The following UCK2 variants were observed in gnomAD, a reference collection of about 807,000 sequenced individuals.
UCK2 encodes the protein uridine-cytidine kinase 2.
A neutral mutation model predicts 30.8 loss-of-function variants in UCK2; 6 were observed. That is an observed-to-expected ratio of 0.19 (90% CI 0.11 to 0.38). The LOEUF (loss-of-function observed/expected upper bound fraction) is 0.38, where lower values mean the gene tolerates loss of function less well. UCK2 is among the 10% of genes least tolerant of loss of function. UCK2 has a pLI of 1.00. For synonymous variants in UCK2, 125 were observed against 133.6 expected, an observed-to-expected ratio of 0.94 and a Z score of 0.45; for missense variants, 210 against 339.8, an observed-to-expected ratio of 0.62 and a Z score of 3.00.
intron 1 of UCK2, among the ~76,000 whole-genome samples, chr1:165,873,593 T>C (rs1655256701): frequency 6.6e-6 from 1 of 152,204 alleles, no homozygotes; most frequent in South Asian, 2.1e-4. Context: ...TGAAAACCCT[T>C]TCTCCCGTTG....
At position 165,881,197 on chromosome 1, in the gene UCK2, A is replaced by C. The variant is rs887744009; in HGVS notation, c.100-9007A>C. ...CAATAAAACTTAAAAAAAAAAAAAA[A>C]AAAAAAAAAGAGATGATGTAGAAGA... On this transcript the variant is annotated intron_variant, in intron 1 of 6. Coordinates refer to ENST00000367879, the MANE Select transcript of UCK2 (RefSeq NM_012474.5). 1.1e-4 allele frequency among the ~76,000 whole-genome samples: 16 copies of C among 150,976 alleles called. No individual in the cohort carries two copies. The East Asian group carries it at 3.1e-3, about 29-fold the overall frequency.
chr1:165,902,437 GAAAA>G (rs1239186061), intron 4 of UCK2, among the ~76,000 whole-genome samples: 1 of 136,000 alleles, frequency 7.4e-6, no homozygotes, highest in Non-Finnish European at 1.6e-5. Flanking sequence ...ATTTTTTAAA[GAAAA>G]AAAAAAAAGA....
At position 165,859,611 on chromosome 1, in the gene UCK2, C is replaced by T. The variant is rs139885880; in HGVS notation, c.100-30593C>T. On this transcript the variant is annotated intron_variant, in intron 1 of 6. Coordinates refer to ENST00000367879, the MANE Select transcript of UCK2 (RefSeq NM_012474.5). ...CAGGGTGGGTGGATCACTTTGAGCCCGGGAGTTTGAGAACATCCTAGGCAA... is the reference window on the plus strand; with the variant it reads ...CAGGGTGGGTGGATCACTTTGAGCCTGGGAGTTTGAGAACATCCTAGGCAA... Among the ~76,000 whole-genome samples, 471 of 152,032 alleles carry T rather than the reference C, an allele frequency of 3.1e-3. 2 individuals carry two copies. Among genetic ancestry groups the T allele is most frequent in the African/African-American group, 9.4e-3 (388 of 41,428 alleles).
At position 165,846,376 on chromosome 1, in the gene UCK2, G is replaced by A. The variant is rs143263995; in HGVS notation, c.99+18444G>A. Among the ~76,000 whole-genome samples the A allele has an allele frequency of 3.0e-4, 45 of 152,282 alleles. 1 individual carries two copies. The East Asian group carries it at 8.3e-3, about 28-fold the overall frequency. Reference sequence around the variant, plus strand: ...AGGTATTGAATTCCTATGGGTATGGGATTTTGACTGTGGTCTTTTCCTAGT... The same window carrying A: ...AGGTATTGAATTCCTATGGGTATGGAATTTTGACTGTGGTCTTTTCCTAGT... On this transcript the variant is annotated intron_variant, in intron 1 of 6. Transcript: ENST00000367879.
intron 1 of UCK2, among the ~76,000 whole-genome samples, chr1:165,868,751 G>A (rs926693935): frequency 1.3e-5 from 2 of 152,214 alleles, no homozygotes; most frequent in African/African-American, 2.4e-5. Context: ...CTTCGTATCA[G>A]TAATAAGGCT....
intron 1 of UCK2, 71 bp from the exon 2 acceptor site, chr1:165,890,133 A>G (rs561012212): frequency 1.3e-6 from 2 of 1,557,078 alleles, no homozygotes; most frequent in Admixed American, 1.7e-5. Flanking sequence ...CAGCTTGGTT[A>G]CTCTCGGGAC....
At chr1:165,876,288 C>G (rs756914642) in intron 1 of UCK2, among the ~76,000 whole-genome samples, 3 of 152,214 alleles carry the variant, frequency 2.0e-5, no homozygotes, top group Middle Eastern at 3.2e-3. Context: ...AAGCACACCA[C>G]TGGATCTGGA....
At chr1:165,893,082 G>A (rs1364639424) in intron 3 of UCK2, among the ~76,000 whole-genome samples, 1 of 152,192 alleles carries the variant, frequency 6.6e-6, no homozygotes, top group East Asian at 1.9e-4. Context: ...GAGAGGATCT[G>A]CAATGCCATT....
chr1:165,864,708 C>A (rs1655004849), intron 1 of UCK2, among the ~76,000 whole-genome samples: 1 of 152,098 alleles, frequency 6.6e-6, no homozygotes, highest in Non-Finnish European at 1.5e-5. Context: ...GAGACACAGT[C>A]TTACTCTTTC....
chr1:165,849,578 AG>A (rs1654540508), intron 1 of UCK2, among the ~76,000 whole-genome samples: 2 of 152,350 alleles, frequency 1.3e-5, no homozygotes, highest in Admixed American at 1.3e-4. Flanking sequence ...AGCCAGTGCT[AG>A]GGCACTAATT....
chr1:165,892,545 ACT>A (rs1264469116), intron 3 of UCK2: 1 of 152,030 alleles, frequency 6.6e-6, no homozygotes. Flanking sequence ...ATTTTGCTTC[ACT>A]CTCACCTTCG....
chr1:165,864,072 CA>C (rs1654985945), intron 1 of UCK2, among the ~76,000 whole-genome samples: 2 of 130,982 alleles, frequency 1.5e-5, no homozygotes, highest in Admixed American at 7.5e-5. Context: ...CTCAGCTTTC[CA>C]AGTAGCTGGG....
chr1:165,878,374 G>A (rs6681589), intron 1 of UCK2, among the ~76,000 whole-genome samples: 4,908 of 150,230 alleles, frequency 0.033, 270 homozygotes, highest in African/African-American at 0.11. Context: ...TCTGTCACCC[G>A]GGCTGGAGTG....
chr1:165,855,506 TTTTC>T (rs1389022794), intron 1 of UCK2, among the ~76,000 whole-genome samples: 1 of 151,108 alleles, frequency 6.6e-6, no homozygotes, highest in Non-Finnish European at 1.5e-5. Flanking sequence ...CAGTTTTTTC[TTTTC>T]TTTTTTTTTT....
chr1:165,893,976 A>C (rs1466795259), intron 3 of UCK2, among the ~76,000 whole-genome samples: 1 of 152,200 alleles, frequency 6.6e-6, no homozygotes, highest in Non-Finnish European at 1.5e-5. Flanking sequence ...CTAAAAACCC[A>C]AAATGTGAAA....
At chr1:165,871,236 T>G (rs1045578516) in intron 1 of UCK2, among the ~76,000 whole-genome samples, 7 of 152,210 alleles carry the variant, frequency 4.6e-5, no homozygotes, top group African/African-American at 1.7e-4. Flanking sequence ...TTTCATACTC[T>G]TAACAGGATA....
intron 1 of UCK2, among the ~76,000 whole-genome samples, chr1:165,837,609 T>A (rs1361133320): frequency 6.6e-6 from 1 of 152,170 alleles, no homozygotes; most frequent in Admixed American, 6.5e-5. Context: ...TTACAGAATT[T>A]TTTTCCCTTG....
intron 1 of UCK2, among the ~76,000 whole-genome samples, chr1:165,883,079 C>T (rs1655539631): frequency 6.6e-6 from 1 of 152,140 alleles, no homozygotes; most frequent in African/African-American, 2.4e-5. Context: ...CTGACTCGGC[C>T]TCTCAAAGTG....
At chr1:165,896,004 C>A (rs893612970) in intron 3 of UCK2, 186 bp from the exon 4 acceptor site, 3 of 720,120 alleles carry the variant, frequency 4.2e-6, no homozygotes, top group Non-Finnish European at 4.6e-6. Context: ...GCCGTGATCA[C>A]CCTTGGCTCT....
Sources: allele counts gnomAD v4.1 joint callset (sites outside exome capture counted in the v4.1 genomes callset), GRCh38; gene constraint gnomAD v4.1.1; transcripts MANE v1.5; gene names NCBI Gene and HGNC (gene_info 2026-07-23, HGNC 2026-07-21).